ABCC4: variants seen among roughly 807,000 people sequenced by gnomAD.
ABCC4 encodes ATP-binding cassette sub-family C member 4.
In ABCC4, 102 loss-of-function variants were observed where a neutral mutation model predicts 168.5. The observed-to-expected ratio is 0.61, with a 90% CI of 0.52 to 0.71. The LOEUF (loss-of-function observed/expected upper bound fraction) is 0.71. Ranked by LOEUF, ABCC4 falls within the 30% of genes least tolerant of loss-of-function variation. ABCC4 has a pLI of 0.00. For missense variants in ABCC4, 1,402 were observed against 1,605.8 expected (o/e 0.87, Z 2.17); for synonymous variants, 617 against 590.7 (o/e 1.04, Z -0.65).
Position 95,301,406 on chromosome 13 carries a change from G to A in ABCC4, c.-92C>T, listed in dbSNP as rs1157662285. On this transcript the variant is annotated 5_prime_UTR_variant, in exon 1 of 31. Coordinates refer to ENST00000645237, the MANE Select transcript of ABCC4 (RefSeq NM_005845.5). ...TCCTGGACCTCAAGCAGGGATGCTGGGGCTCCGGCCGCCACGCCTGTCCGC... is the reference window on the plus strand; with the variant it reads ...TCCTGGACCTCAAGCAGGGATGCTGAGGCTCCGGCCGCCACGCCTGTCCGC... 5 of 1,172,104 alleles carry A rather than the reference G, an allele frequency of 4.3e-6. No individual in the cohort carries two copies. Among genetic ancestry groups the A allele is most frequent in the African/African-American group, 1.6e-5 (1 of 62,050 alleles). 72.6% of individuals were successfully genotyped at this position (1,172,104 alleles called of 1,614,324 possible). A position where few individuals can be genotyped will look rare whatever the true frequency, so the allele number is the denominator to read the frequency against.
intron 19 of ABCC4, among the ~76,000 whole-genome samples, chr13:95,118,216 A>G (rs2035445003): frequency 1.3e-5 from 2 of 151,896 alleles, no homozygotes; most frequent in Admixed American, 1.3e-4. Context: ...CTAAGAAACA[A>G]TTCAAAGACT....
intron 26 of ABCC4, among the ~76,000 whole-genome samples, chr13:95,056,983 G>A (rs912111107): frequency 4.6e-5 from 7 of 152,190 alleles, no homozygotes; most frequent in Non-Finnish European, 8.8e-5. Flanking sequence ...TAGGATTGGA[G>A]GAGTAAATAA....
intron 1 of ABCC4, among the ~76,000 whole-genome samples, chr13:95,276,934 G>A (rs1454104467): frequency 4.6e-5 from 7 of 152,044 alleles, no homozygotes; most frequent in African/African-American, 1.4e-4. Flanking sequence ...CAGGAGAATC[G>A]CTTGAATCCG....
chr13:95,168,655 C>T (rs190080705), intron 14 of ABCC4, among the ~76,000 whole-genome samples: 4 of 152,234 alleles, frequency 2.6e-5, no homozygotes, highest in African/African-American at 7.2e-5. Flanking sequence ...AGACACTAAG[C>T]GGGTTTCAGA....
intron 29 of ABCC4, among the ~76,000 whole-genome samples, chr13:95,038,449 G>T (rs573780728): frequency 6.6e-6 from 1 of 151,246 alleles, no homozygotes; most frequent in South Asian, 2.1e-4. Context: ...CAAAACAAGC[G>T]GGAGTTTAGC....
At chr13:95,158,071 C>CAAAAAA (rs35037278) in intron 19 of ABCC4, among the ~76,000 whole-genome samples, 1 of 84,680 alleles carries the variant, frequency 1.2e-5, no homozygotes, top group Non-Finnish European at 2.7e-5. Context: ...GACTCCGTCT[C>CAAAAAA]AAAAAAAAAA....
intron 9 of ABCC4, among the ~76,000 whole-genome samples, chr13:95,191,070 C>A (rs1237036849): frequency 6.6e-6 from 1 of 152,174 alleles, no homozygotes; most frequent in Admixed American, 6.5e-5. Flanking sequence ...GTCAACCAAC[C>A]CAAAACCTAA....
At chr13:95,208,580 A>T in intron 6 of ABCC4, among the ~76,000 whole-genome samples, 1 of 140,774 alleles carries the variant, frequency 7.1e-6, no homozygotes, top group East Asian at 2.1e-4. Context: ...TTTTATCATC[A>T]TTAATCTCTT....
At chr13:95,025,338 A>C (rs1408138517) in intron 30 of ABCC4, among the ~76,000 whole-genome samples, 2 of 9,618 alleles carry the variant, frequency 2.1e-4, no homozygotes, top group South Asian at 5.3e-3. Context: ...CCACACACCC[A>C]TACACACACC....
chr13:95,141,465 C>T (rs1012623132), intron 19 of ABCC4, among the ~76,000 whole-genome samples: 2 of 151,364 alleles, frequency 1.3e-5, no homozygotes, highest in African/African-American at 2.4e-5. Flanking sequence ...CTCTGAGGTG[C>T]AGTATAAAAG....
At chr13:95,293,683 T>C (rs1165746783) in intron 1 of ABCC4, among the ~76,000 whole-genome samples, 2 of 151,782 alleles carry the variant, frequency 1.3e-5, no homozygotes, top group Non-Finnish European at 2.9e-5. Context: ...GCCAGGCTGG[T>C]CTTGAACTCC....
chr13:95,287,216 T>G (rs1256502666), intron 1 of ABCC4, among the ~76,000 whole-genome samples: 2 of 151,916 alleles, frequency 1.3e-5, no homozygotes, highest in Non-Finnish European at 2.9e-5. Context: ...GAGAATCACT[T>G]GAACCCAGAA....
At chr13:95,040,984 T>C (rs1258247028) in intron 29 of ABCC4, among the ~76,000 whole-genome samples, 1 of 152,174 alleles carries the variant, frequency 6.6e-6, no homozygotes, top group East Asian at 1.9e-4. Flanking sequence ...TCCAGAGCGT[T>C]GTAAGGACGG....
chr13:95,299,818 G>GT (rs1454313729), intron 1 of ABCC4, among the ~76,000 whole-genome samples: 1 of 151,924 alleles, frequency 6.6e-6, no homozygotes, highest in Non-Finnish European at 1.5e-5. Flanking sequence ...GGCTTATGTA[G>GT]TTAGCAGACG....
chr13:95,139,573 C>T (rs1332940441), intron 19 of ABCC4, among the ~76,000 whole-genome samples: 1 of 152,182 alleles, frequency 6.6e-6, no homozygotes, highest in Non-Finnish European at 1.5e-5. Flanking sequence ...TCAGAAATAG[C>T]ACGCATATGT....
At position 95,209,483 on chromosome 13, in the gene ABCC4, T is replaced by C. The variant is rs1281965233; in HGVS notation, c.736A>G (p.Ile246Val). Residue 246 changes from isoleucine to valine, a missense_variant, in exon 6 of 31, where the codon ATT becomes GTT. Ile to Val is a conservative substitution (Grantham distance 29). This residue lies in a region of ABCC4 where 317 missense variants were observed against 345.5 expected (regional missense o/e 0.92). Coordinates refer to ENST00000645237, the MANE Select transcript of ABCC4 (RefSeq NM_005845.5). ...AAACAGCTTTGCAAGGGCAGGAGAA[T>C]GATTAGAACTGCCATCCCAGCAAGG... ...SCLAGMAVLI[I>V]LLPLQSCFGK... 1.2e-6 allele frequency: 2 copies of C among 1,614,100 alleles called. No homozygotes were observed. The highest frequency in any genetic ancestry group is 1.3e-5 in the African/African-American group (1 of 74,942).
chr13:95,089,630 C>A (rs1275220748), intron 20 of ABCC4, among the ~76,000 whole-genome samples: 1 of 151,946 alleles, frequency 6.6e-6, no homozygotes, highest in Non-Finnish European at 1.5e-5. Context: ...ACTAAATACA[C>A]TGAATCTAAG....
intron 25 of ABCC4, among the ~76,000 whole-genome samples, chr13:95,065,625 T>C (rs535126304): frequency 2.6e-4 from 40 of 152,276 alleles, no homozygotes; most frequent in African/African-American, 8.2e-4. Flanking sequence ...ATGTTAAATA[T>C]CCTTGAAGCT....
chr13:95,207,432 C>T (rs2038814265), intron 7 of ABCC4, among the ~76,000 whole-genome samples: 1 of 152,198 alleles, frequency 6.6e-6, no homozygotes, highest in Admixed American at 6.5e-5. Context: ...TAGATATGCC[C>T]AGTCTCTATA....
Sources: allele counts gnomAD v4.1 joint callset (sites outside exome capture counted in the v4.1 genomes callset), GRCh38; gene constraint gnomAD v4.1.1; regional missense constraint gnomAD v4.1.1; transcripts MANE v1.5; gene names NCBI Gene and HGNC (gene_info 2026-07-23, HGNC 2026-07-21).